Variants in BRIP1 observed in about 807,000 individuals in gnomAD.
The protein encoded by BRIP1 is Fanconi anemia group J protein.
Under a neutral mutation model 119.7 loss-of-function variants are expected in BRIP1, and 88 were observed. That is an observed-to-expected ratio of 0.74 (90% CI 0.62 to 0.88). The LOEUF is 0.88. Among genes scored for constraint, BRIP1 ranks in the 40% least tolerant of loss-of-function variants. The pLI is 0.00. For missense variants in BRIP1, 1,259 were observed against 1,455.4 expected (o/e 0.87, Z 2.20); for synonymous variants, 443 against 496.5 (o/e 0.89, Z 1.43).
rs1290738716 is a variant in BRIP1, at chr17:61,794,598, C to T, written c.1341-869G>A. On this transcript the variant is annotated intron_variant, in intron 9 of 19. Coordinates refer to ENST00000259008, the MANE Select transcript of BRIP1 (RefSeq NM_032043.3). This position sits in a 1 kb window ranked among gnomAD's most constrained non-coding sequence, Gnocchi z 4.3. ...AACTAATGAGTTATAAGGCTTAATA[C>T]CTGGGTGATGAAATAATATGTACAA... Among the ~76,000 whole-genome samples, 1 of 151,318 alleles carries T rather than the reference C, an allele frequency of 6.6e-6. No homozygotes were observed. Among genetic ancestry groups the T allele is most frequent in the Non-Finnish European group, 1.5e-5 (1 of 67,870 alleles).
At position 61,822,765 on chromosome 17, in the gene BRIP1, GTT is replaced by G. The variant is rs2078345708; in HGVS notation, c.628-14010_628-14009del. On this transcript the variant is annotated intron_variant, in intron 6 of 19. Coordinates refer to ENST00000259008, the MANE Select transcript of BRIP1 (RefSeq NM_032043.3). The surrounding 1 kb of genome is among the most constrained non-coding windows in gnomAD (Gnocchi z 4.4). ...GGGATGTGAATGGGGAAAAGTTTGT[GTT>G]TAAAAAAAAAAAGGCCCTGTATGAC... is the stretch of plus-strand genomic sequence containing the variant. 6.7e-6 allele frequency among the ~76,000 whole-genome samples: 1 copy of G among 149,862 alleles called. No homozygotes were observed. The highest frequency in any genetic ancestry group is 2.5e-5 in the African/African-American group (1 of 40,100).
In BRIP1 at chr17:61,815,552, G is replaced by A. The variant is rs1334176340; in HGVS notation, c.628-6795C>T. Among the ~76,000 whole-genome samples the A allele has an allele frequency of 6.6e-6, 1 of 152,088 alleles. No individual in the cohort carries two copies. Among genetic ancestry groups the A allele is most frequent in the Non-Finnish European group, 1.5e-5 (1 of 67,994 alleles). Reference sequence around the variant, plus strand: ...TGAACTCATTTCTATTTTAATGTTTGTTAATTACCTAATATTAACATAAGG... The same window carrying A: ...TGAACTCATTTCTATTTTAATGTTTATTAATTACCTAATATTAACATAAGG... On this transcript the variant is annotated intron_variant, in intron 6 of 19. Coordinates refer to ENST00000259008, the MANE Select transcript of BRIP1 (RefSeq NM_032043.3). This position sits in a 1 kb window ranked among gnomAD's most constrained non-coding sequence, Gnocchi z 4.1.
At chr17:61,696,198 C>CTT (rs56672402) in intron 17 of BRIP1, among the ~76,000 whole-genome samples, 11 of 136,942 alleles carry the variant, frequency 8.0e-5, no homozygotes, top group African/African-American at 2.1e-4. Context: ...CTGTTTTATG[C>CTT]TTTTTTTTTT....
In BRIP1 at chr17:61,808,763, A is replaced by G; in HGVS notation, c.628-6T>C. ...CTAGAACAGTGGCCAGGGGGCTGTA[A>G]GAAAGGAAAGAAACGATAACTAATA... On this transcript the variant is annotated splice_region_variant and splice_polypyrimidine_tract_variant and intron_variant, in intron 6 of 19. Coordinates refer to ENST00000259008, the MANE Select transcript of BRIP1 (RefSeq NM_032043.3). The surrounding 1 kb of genome is among the most constrained non-coding windows in gnomAD (Gnocchi z 4.1). 1 of 1,610,550 alleles carries G rather than the reference A, an allele frequency of 6.2e-7. No homozygotes were observed.
Position 61,725,145 on chromosome 17 carries a change from G to GTA in BRIP1, c.2380-9084_2380-9083dup, listed in dbSNP as rs78484940. On this transcript the variant is annotated intron_variant, in intron 16 of 19. Coordinates refer to ENST00000259008, the MANE Select transcript of BRIP1 (RefSeq NM_032043.3). The surrounding 1 kb of genome is among the most constrained non-coding windows in gnomAD (Gnocchi z 5.3). ...ATAGTGTGTGTGTGTGTGTGTGTGT[G>GTA]TATATACACTTTTTTTAAATGGGGA... 6.9e-3 allele frequency among the ~76,000 whole-genome samples: 1,029 copies of GTA among 148,932 alleles called. 5 individuals are homozygous for GTA. Among genetic ancestry groups the GTA allele is most frequent in the East Asian group, 0.021 (105 of 5,094 alleles).
rs2077613943 is a variant in BRIP1 at position 61,781,092 on chromosome 17, A to G, written c.1629-87T>C. ...TACAATATAAAAACTGATTACATTA[A>G]AACTCATTTGAAAGAGCTGGTACCT... On this transcript the variant is annotated intron_variant, in intron 11 of 19. Coordinates refer to ENST00000259008, the MANE Select transcript of BRIP1 (RefSeq NM_032043.3). The G allele has an allele frequency of 6.2e-6, 8 of 1,295,056 alleles. 1 individual carries two copies. In the South Asian group the frequency reaches 9.9e-5, roughly 16 times the overall value. The allele number at this position is 1,295,056 out of a possible 1,614,324, so 80.2% of individuals were successfully genotyped here. A position where few individuals can be genotyped will look rare whatever the true frequency, so the allele number is the denominator to read the frequency against.
intron 6 of BRIP1, among the ~76,000 whole-genome samples, chr17:61,812,065 C>G (rs2078170831): frequency 6.6e-6 from 1 of 152,002 alleles, no homozygotes; most frequent in Non-Finnish European, 1.5e-5. Flanking sequence ...AGATAATTAC[C>G]TGTACCAAAA....
rs77614631 is a variant in BRIP1 at position 61,708,962 on chromosome 17, C to T, written c.2492+6989G>A. On this transcript the variant is annotated intron_variant, in intron 17 of 19. Coordinates refer to ENST00000259008, the MANE Select transcript of BRIP1 (RefSeq NM_032043.3). This position sits in a 1 kb window ranked among gnomAD's most constrained non-coding sequence, Gnocchi z 4.4. Reference sequence around the variant, plus strand: ...GTAAAATCCCCGTATATAATATTAACCTCCATCTTTAATACGTCCTCAGCT... The same window carrying T: ...GTAAAATCCCCGTATATAATATTAATCTCCATCTTTAATACGTCCTCAGCT... Among the ~76,000 whole-genome samples, 149 of 152,250 alleles carry T rather than the reference C, an allele frequency of 9.8e-4. No homozygotes were observed. The highest frequency in any genetic ancestry group is 1.8e-3 in the Non-Finnish European group (120 of 68,014).
rs2078958337 is a variant in BRIP1 at position 61,860,424 on chromosome 17, C to T, written c.94-517G>A. On this transcript the variant is annotated intron_variant, in intron 2 of 19. Transcript: ENST00000259008. The surrounding 1 kb of genome is among the most constrained non-coding windows in gnomAD (Gnocchi z 4.1). ...CTTGTAATCCCATCACTTTGGGAGG[C>T]CAAGGCAGGTGGATCATTTGAGGTC... Among the ~76,000 whole-genome samples the T allele has an allele frequency of 6.6e-6, 1 of 152,152 alleles. No homozygotes were observed. The highest frequency in any genetic ancestry group is 2.1e-4 in the South Asian group (1 of 4,830).
In BRIP1 at chr17:61,722,232, G is replaced by T. The variant is rs2144485690; in HGVS notation, c.2380-6169C>A. ...ATTCTTTTGTATTTTTAGTAGAGAG[G>T]GGGGTTTCACTGTGTTAGCCAGGTG... On this transcript the variant is annotated intron_variant, in intron 16 of 19. Coordinates refer to ENST00000259008, the MANE Select transcript of BRIP1 (RefSeq NM_032043.3). This position sits in a 1 kb window ranked among gnomAD's most constrained non-coding sequence, Gnocchi z 4.6. Among the ~76,000 whole-genome samples the T allele has an allele frequency of 6.6e-6, 1 of 151,954 alleles. No individual in the cohort carries two copies. Among genetic ancestry groups the T allele is most frequent in the East Asian group, 1.9e-4 (1 of 5,162 alleles).
Position 61,703,595 on chromosome 17 carries a change from A to T in BRIP1, c.2493-10083T>A, listed in dbSNP as rs980351541. ...TTCTCGCATTCTGTGGTTTGTCTTT[A>T]CTCTGCTGATAGTTTCTTTTGCTGT... On this transcript the variant is annotated intron_variant, in intron 17 of 19. Transcript: ENST00000259008. The surrounding 1 kb of genome is among the most constrained non-coding windows in gnomAD (Gnocchi z 5.0). Among the ~76,000 whole-genome samples the T allele has an allele frequency of 6.6e-6, 1 of 152,036 alleles. No individual in the cohort carries two copies. Among genetic ancestry groups the T allele is most frequent in the African/African-American group, 2.4e-5 (1 of 41,398 alleles).
At chr17:61,826,779 A>G (rs2078416242) in intron 6 of BRIP1, among the ~76,000 whole-genome samples, 1 of 149,220 alleles carries the variant, frequency 6.7e-6, no homozygotes. Flanking sequence ...GAGGTTGCAG[A>G]GAAAAAGGAA....
At chr17:61,829,928 C>CTTTTTTTTTTTTTT (rs59921365) in intron 6 of BRIP1, among the ~76,000 whole-genome samples, 1 of 147,476 alleles carries the variant, frequency 6.8e-6, no homozygotes. Context: ...AAGTTTCAAT[C>CTTTTTTTTTTTTTT]TTTTTTTTTT....
intron 6 of BRIP1, among the ~76,000 whole-genome samples, chr17:61,833,539 C>T (rs2078523668): frequency 6.6e-6 from 1 of 151,990 alleles, no homozygotes; most frequent in South Asian, 2.1e-4. Context: ...GGCATGGTGG[C>T]AGGCACCTGT....
rs1410594750 is a variant in BRIP1 at position 61,735,896 on chromosome 17, C to A, written c.2379+7117G>T. Among the ~76,000 whole-genome samples, 4 of 152,172 alleles carry A rather than the reference C, an allele frequency of 2.6e-5. No homozygotes were observed. In the East Asian group the frequency reaches 7.7e-4, roughly 29 times the overall value. The stretch of plus-strand genomic sequence containing the variant: ...CCCCAAGTGCCAGATAACAACACAA[C>A]CTGGCCAACACTCTGATTGCAGCAG... On this transcript the variant is annotated intron_variant, in intron 16 of 19. Transcript: ENST00000259008. The surrounding 1 kb of genome is among the most constrained non-coding windows in gnomAD (Gnocchi z 4.4).
chr17:61,818,202 G>C (rs867207492), intron 6 of BRIP1, among the ~76,000 whole-genome samples: 1 of 150,966 alleles, frequency 6.6e-6, no homozygotes, highest in Non-Finnish European at 1.5e-5. Context: ...AGGGGGGAGG[G>C]GGGGGAAAGA....
rs1252052696 is a variant in BRIP1 at position 61,717,956 on chromosome 17, A to C, written c.2380-1893T>G. ...ATCCATCCAGTGTATTTTTTGTTTC[A>C]TATAGAGAGATTTCACATAGGTATT... On this transcript the variant is annotated intron_variant, in intron 16 of 19. Coordinates refer to ENST00000259008, the MANE Select transcript of BRIP1 (RefSeq NM_032043.3). This position sits in a 1 kb window ranked among gnomAD's most constrained non-coding sequence, Gnocchi z 4.1. 6.6e-6 allele frequency among the ~76,000 whole-genome samples: 1 copy of C among 152,026 alleles called. No individual in the cohort carries two copies. The highest frequency in any genetic ancestry group is 2.4e-5 in the African/African-American group (1 of 41,382).
chr17:61,684,234 A>G lies in BRIP1; in HGVS notation c.2906-94T>C. ...ATTATTTATTAGAAATACCTAAATA[A>G]CTGTATAGGATACATAACTTAGAGC... On this transcript the variant is annotated intron_variant, in intron 19 of 19. Coordinates refer to ENST00000259008, the MANE Select transcript of BRIP1 (RefSeq NM_032043.3). The surrounding 1 kb of genome is among the most constrained non-coding windows in gnomAD (Gnocchi z 4.5). 6.5e-6 allele frequency: 9 copies of G among 1,378,910 alleles called. No homozygotes were observed. The highest frequency in any genetic ancestry group is 9.0e-6 in the Non-Finnish European group (9 of 1,001,880). The allele number at this position is 1,378,910 out of a possible 1,614,324, so 85.4% of individuals were successfully genotyped here. A position where few individuals can be genotyped will look rare whatever the true frequency, so the allele number is the denominator to read the frequency against.
At chr17:61,826,843 G>T (rs1021464712) in intron 6 of BRIP1, among the ~76,000 whole-genome samples, 6 of 151,582 alleles carry the variant, frequency 4.0e-5, no homozygotes, top group African/African-American at 1.5e-4. Context: ...AACCATTGTG[G>T]AAGACAGTAG....
Sources: allele counts gnomAD v4.1 joint callset (sites outside exome capture counted in the v4.1 genomes callset), GRCh38; gene constraint gnomAD v4.1.1; non-coding constraint Gnocchi (gnomAD v3.1); transcripts MANE v1.5; gene names NCBI Gene and HGNC (gene_info 2026-07-23, HGNC 2026-07-21).